DTNB: variants seen among roughly 807,000 people sequenced by gnomAD.
DTNB encodes dystrobrevin beta.
Under a neutral mutation model 90.7 loss-of-function variants are expected in DTNB, and 63 were observed. The ratio of observed to expected loss-of-function variants is 0.69; its 90% CI spans 0.57 to 0.86. The LOEUF (loss-of-function observed/expected upper bound fraction) is 0.86, where lower values mean the gene tolerates loss of function less well. DTNB is among the 40% of genes least tolerant of loss of function. DTNB has a pLI of 0.00. For synonymous variants in DTNB, 277 were observed against 286.7 expected (o/e 0.97, Z 0.34); for missense variants, 744 against 807.1 (o/e 0.92, Z 0.95).
chr2:25,671,031 G>C (rs1455822555), intron 1 of DTNB, among the ~76,000 whole-genome samples: 1 of 152,178 alleles, frequency 6.6e-6, no homozygotes, highest in Non-Finnish European at 1.5e-5. Flanking sequence ...TTGTGTTCAA[G>C]TGACCACTGT....
chr2:25,616,940 AAAAAAAAAAAAAGG>A (rs1490675530), intron 4 of DTNB, among the ~76,000 whole-genome samples: 25 of 136,528 alleles, frequency 1.8e-4, no homozygotes, highest in South Asian at 9.6e-4. Context: ...TCAAAAAAAA[AAAAAAAAAAAAAGG>A]AAAAAAAAGA....
intron 16 of DTNB, among the ~76,000 whole-genome samples, chr2:25,395,709 G>T (rs1157340327): frequency 6.6e-6 from 1 of 152,096 alleles, no homozygotes; most frequent in East Asian, 1.9e-4. Flanking sequence ...CTGATTTGTA[G>T]GTATTTCTCA....
intron 1 of DTNB, among the ~76,000 whole-genome samples, chr2:25,655,185 T>C (rs1224194415): frequency 6.6e-6 from 1 of 152,170 alleles, no homozygotes; most frequent in African/African-American, 2.4e-5. Flanking sequence ...ATTACAAAGA[T>C]TGAATTCACA....
chr2:25,434,414 T>C (rs1018084426), intron 12 of DTNB, among the ~76,000 whole-genome samples: 17 of 148,218 alleles, frequency 1.1e-4, no homozygotes, highest in Middle Eastern at 3.4e-3. Flanking sequence ...TTTTTTTTTT[T>C]TTTTTTTGAG....
intron 10 of DTNB, among the ~76,000 whole-genome samples, chr2:25,479,457 T>A (rs549954353): frequency 3.3e-5 from 5 of 152,344 alleles, no homozygotes; most frequent in African/African-American, 1.2e-4. Context: ...AAATGTACTA[T>A]GTGGACGCTT....
chr2:25,549,249 C>A (rs774104748), intron 8 of DTNB, among the ~76,000 whole-genome samples: 95 of 151,718 alleles, frequency 6.3e-4, no homozygotes, highest in Non-Finnish European at 1.2e-3. Context: ...ATACATATAT[C>A]AATATATACA....
At chr2:25,552,595 GT>G (rs2056494335) in intron 8 of DTNB, among the ~76,000 whole-genome samples, 2 of 152,082 alleles carry the variant, frequency 1.3e-5, no homozygotes, top group African/African-American at 4.8e-5. Flanking sequence ...CTGGACTCAG[GT>G]TTCCTTTTGC....
At chr2:25,444,657 T>C in intron 12 of DTNB, among the ~76,000 whole-genome samples, 1 of 151,962 alleles carries the variant, frequency 6.6e-6, no homozygotes, top group Admixed American at 6.6e-5. Context: ...GCAGCCCCGC[T>C]CCCCATCTAG....
chr2:25,529,279 C>T (rs2077701940), intron 9 of DTNB, among the ~76,000 whole-genome samples: 1 of 152,076 alleles, frequency 6.6e-6, no homozygotes, highest in Non-Finnish European at 1.5e-5. Flanking sequence ...TAATGAATGA[C>T]CCTGAGACAA....
chr2:25,386,015 C>A (rs144699879), intron 18 of DTNB: 1 of 985,378 alleles, frequency 1.0e-6, no homozygotes, highest in Non-Finnish European at 1.2e-6. Flanking sequence ...AGGGAAAGCG[C>A]CTTCTAATCA....
At chr2:25,417,440 G>A (rs1013950166) in intron 16 of DTNB, among the ~76,000 whole-genome samples, 2 of 152,138 alleles carry the variant, frequency 1.3e-5, no homozygotes, top group African/African-American at 4.8e-5. Flanking sequence ...TGGATTACAT[G>A]GTAATCCATA....
chr2:25,574,967 T>C (rs756663921), intron 8 of DTNB, among the ~76,000 whole-genome samples: 6 of 152,136 alleles, frequency 3.9e-5, no homozygotes, highest in Non-Finnish European at 7.4e-5. Flanking sequence ...TATAACTCAA[T>C]GAAAAAATTC....
intron 1 of DTNB, among the ~76,000 whole-genome samples, chr2:25,659,779 G>C (rs1041615386): frequency 1.3e-5 from 2 of 151,898 alleles, no homozygotes; most frequent in Non-Finnish European, 2.9e-5. Flanking sequence ...TTCTGTGAAA[G>C]GAATCTGCAA....
At chr2:25,389,006 T>C (rs889904069) in intron 16 of DTNB, among the ~76,000 whole-genome samples, 1 of 152,002 alleles carries the variant, frequency 6.6e-6, no homozygotes. Context: ...GCCACCACGC[T>C]GGGCTAATTT....
chr2:25,419,298 C>G, intron 16 of DTNB: 1 of 666,438 alleles, frequency 1.5e-6, no homozygotes, highest in South Asian at 1.8e-5. Flanking sequence ...TGGGTACTTA[C>G]AAGCTCTGGT....
intron 9 of DTNB, among the ~76,000 whole-genome samples, chr2:25,529,119 T>C (rs1029723993): frequency 6.6e-6 from 1 of 152,190 alleles, no homozygotes; most frequent in East Asian, 1.9e-4. Flanking sequence ...TAGTTCCTTA[T>C]GGTAATTAAG....
intron 9 of DTNB, among the ~76,000 whole-genome samples, chr2:25,498,400 A>G (rs1371705561): frequency 6.6e-6 from 1 of 152,196 alleles, no homozygotes; most frequent in Non-Finnish European, 1.5e-5. Flanking sequence ...TAGACTACTG[A>G]GCAGAAGATG....
chr2:25,486,396 T>C (rs936942571), intron 9 of DTNB, among the ~76,000 whole-genome samples: 2 of 151,716 alleles, frequency 1.3e-5, no homozygotes, highest in African/African-American at 4.8e-5. Flanking sequence ...CACAGGGAGG[T>C]TGAGGTTTCA....
In DTNB at chr2:25,427,597, C is replaced by A. The variant is rs2052262625; in HGVS notation, c.1492G>T (p.Ala498Ser). The A allele has an allele frequency of 6.2e-7, 1 of 1,613,508 alleles. No individual in the cohort carries two copies. Among genetic ancestry groups the A allele is most frequent in the African/African-American group, 1.3e-5 (1 of 74,904 alleles). ...RKDELEQRMS[A>S]LQESRRELMV... ...AGCTCCCGCCTGCTCTCCTGCAGGG[C>A]CGACATCCTCTGCTCCAGTTCATCC... Residue 498 changes from alanine (A) to serine (S), a missense_variant, in exon 15 of 21, where the codon GCC (alanine) becomes TCC (serine). Ala to Ser is a moderately conservative substitution (Grantham distance 99). Transcript: ENST00000406818.
Sources: allele counts gnomAD v4.1 joint callset (sites outside exome capture counted in the v4.1 genomes callset), GRCh38; gene constraint gnomAD v4.1.1; transcripts MANE v1.5; gene names NCBI Gene and HGNC (gene_info 2026-07-23, HGNC 2026-07-21).